NFIB: variants seen among roughly 807,000 people sequenced by gnomAD.
The protein encoded by NFIB is nuclear factor I B, also known as nuclear factor 1 B-type.
In NFIB, 11 loss-of-function variants were observed where a neutral mutation model predicts 61.5. The observed-to-expected ratio is 0.18, with a 90% CI of 0.11 to 0.30. NFIB has a LOEUF of 0.30. Among genes scored for constraint, NFIB ranks in the 10% least tolerant of loss-of-function variants. NFIB has a pLI of 1.00. For synonymous variants in NFIB, 260 were observed against 216.5 expected (o/e 1.20, Z -1.76); for missense variants, 471 against 608.9 (o/e 0.77, Z 2.38).
chr9:14,459,432 A>C, the NFIB span, among the ~76,000 whole-genome samples: 1 of 152,228 alleles, frequency 6.6e-6, no homozygotes, highest in African/African-American at 2.4e-5. Flanking sequence ...AAACCTAGGC[A>C]ATACCATTCA....
intron 2 of NFIB, among the ~76,000 whole-genome samples, chr9:14,188,645 G>A (rs1437128554): frequency 3.9e-5 from 6 of 152,042 alleles, no homozygotes; most frequent in Non-Finnish European, 8.8e-5. Context: ...AGATGAACAC[G>A]CCACTGCGTA....
At chr9:14,253,213 CTT>C (rs907300693) in intron 2 of NFIB, among the ~76,000 whole-genome samples, 1 of 152,166 alleles carries the variant, frequency 6.6e-6, no homozygotes, top group African/African-American at 2.4e-5. Context: ...TTGTCCTGGT[CTT>C]TTATTTCCTT....
the NFIB span, among the ~76,000 whole-genome samples, chr9:14,530,291 C>T: frequency 6.6e-6 from 1 of 152,216 alleles, no homozygotes; most frequent in Middle Eastern, 3.4e-3. Flanking sequence ...ACCATGTACA[C>T]GCACAGTACT....
chr9:14,174,791 T>C (rs1200488968), intron 3 of NFIB, among the ~76,000 whole-genome samples: 1 of 148,194 alleles, frequency 6.7e-6, no homozygotes, highest in Non-Finnish European at 1.5e-5. Flanking sequence ...AAAAAGTGAA[T>C]GAAATATGAT....
chr9:14,496,924 T>A, the NFIB span, among the ~76,000 whole-genome samples: 3 of 152,224 alleles, frequency 2.0e-5, no homozygotes, highest in Non-Finnish European at 4.4e-5. Context: ...GTCTGTGTAT[T>A]TCTTTTTCTA....
the NFIB span, among the ~76,000 whole-genome samples, chr9:14,477,268 C>T: frequency 6.6e-6 from 1 of 151,790 alleles, no homozygotes; most frequent in Non-Finnish European, 1.5e-5. Context: ...ATAACATATG[C>T]CTATGATTAA....
chr9:14,115,453 C>A (rs1414300852), intron 9 of NFIB, among the ~76,000 whole-genome samples: 1 of 152,096 alleles, frequency 6.6e-6, no homozygotes, highest in African/African-American at 2.4e-5. Context: ...AAATTAATTT[C>A]TTCTATACTT....
intron 2 of NFIB, among the ~76,000 whole-genome samples, chr9:14,294,768 AT>A (rs2059317681): frequency 6.6e-6 from 1 of 152,226 alleles, no homozygotes; most frequent in African/African-American, 2.4e-5. Flanking sequence ...TACACTTATT[AT>A]AAAGTGCTCC....
At chr9:14,311,174 T>A (rs546721474) in intron 1 of NFIB, among the ~76,000 whole-genome samples, 1 of 152,270 alleles carries the variant, frequency 6.6e-6, no homozygotes, top group South Asian at 2.1e-4. Flanking sequence ...TTGCTAAACA[T>A]AACATTTAAT....
intron 1 of NFIB, among the ~76,000 whole-genome samples, chr9:14,345,862 T>C (rs1020759139): frequency 6.6e-6 from 1 of 152,130 alleles, no homozygotes; most frequent in Non-Finnish European, 1.5e-5. Context: ...AAAGATGACT[T>C]AGGGGTTCCA....
At chr9:14,207,569 T>C (rs1428491204) in intron 2 of NFIB, among the ~76,000 whole-genome samples, 2 of 152,230 alleles carry the variant, frequency 1.3e-5, no homozygotes, top group Admixed American at 1.3e-4. Flanking sequence ...AGCAGCTCCG[T>C]GCAGGGACTG....
At chr9:14,321,482 A>C (rs2060658483) in intron 1 of NFIB, among the ~76,000 whole-genome samples, 1 of 152,216 alleles carries the variant, frequency 6.6e-6, no homozygotes, top group South Asian at 2.1e-4. Context: ...CTTTCACTTA[A>C]AAATGTATTT....
rs186091779 is a variant in NFIB, at chr9:14,120,987, G to T, written c.1061-363C>A. 1.3e-5 allele frequency among the ~76,000 whole-genome samples: 2 copies of T among 152,334 alleles called. No homozygotes were observed. The highest frequency in any genetic ancestry group is 3.9e-4 in the East Asian group (2 of 5,180). On this transcript the variant is annotated intron_variant, in intron 7 of 10. Transcript: ENST00000380953. The surrounding 1 kb of genome is among the most constrained non-coding windows in gnomAD (Gnocchi z 4.4). The stretch of plus-strand genomic sequence containing the variant: ...TTTGATTATAAAATCTTTAGGCCGG[G>T]TGCAGTAGCTCACACCTGTAATCCC...
chr9:14,247,845 G>A (rs2055104882), intron 2 of NFIB, among the ~76,000 whole-genome samples: 1 of 151,406 alleles, frequency 6.6e-6, no homozygotes, highest in Non-Finnish European at 1.5e-5. Context: ...GGAACAGGGT[G>A]TTCTTATTAT....
At chr9:14,380,764 A>T (rs1291094028) in intron 1 of NFIB, among the ~76,000 whole-genome samples, 1 of 152,166 alleles carries the variant, frequency 6.6e-6, no homozygotes, top group African/African-American at 2.4e-5. Context: ...ATCACTCTGC[A>T]GAGGAGCTAT....
chr9:14,527,599 T>C, the NFIB span, among the ~76,000 whole-genome samples: 1 of 152,176 alleles, frequency 6.6e-6, no homozygotes, highest in African/African-American at 2.4e-5. Flanking sequence ...GATTCCAGAA[T>C]GGGGCGATAG....
chr9:14,350,456 C>T (rs1019122129), intron 1 of NFIB, among the ~76,000 whole-genome samples: 18 of 149,194 alleles, frequency 1.2e-4, no homozygotes, highest in African/African-American at 3.7e-4. Flanking sequence ...CCTTGCCTCG[C>T]TGCAAATCGC....
chr9:14,352,318 T>A lies in NFIB; in HGVS notation c.109-44798A>T, dbSNP rs529444848. Among the ~76,000 whole-genome samples the A allele has an allele frequency of 6.6e-5, 10 of 151,096 alleles. No individual in the cohort carries two copies. In the South Asian group the frequency reaches 2.1e-3, roughly 32 times the overall value. ...ATAGATGTTATCATTATTTTATGAG[T>A]GTGGAGTTGGGAGGCTCACCACCAA... On this transcript the variant is annotated intron_variant, in intron 1 of 8. Transcript: ENST00000380934.
At chr9:14,135,359 G>C (rs1354804467) in intron 6 of NFIB, among the ~76,000 whole-genome samples, 2 of 152,150 alleles carry the variant, frequency 1.3e-5, no homozygotes, top group African/African-American at 4.8e-5. Context: ...TTAGGTACTG[G>C]ATATTGCAAA....
Sources: gnomAD v4.1 joint callset for allele counts (sites outside exome capture counted in the v4.1 genomes callset) on GRCh38, gnomAD v4.1.1 for gene constraint, Gnocchi (gnomAD v3.1) non-coding constraint, MANE v1.5 for transcripts, NCBI Gene and HGNC (gene_info 2026-07-23, HGNC 2026-07-21) for gene names.